FBXO34: variants seen among roughly 807,000 people sequenced by gnomAD.
The protein encoded by FBXO34 is F-box protein 34.
Under a neutral mutation model 24.5 loss-of-function variants are expected in FBXO34, and 12 were observed. The ratio of observed to expected loss-of-function variants is 0.49; its 90% CI spans 0.31 to 0.79. The LOEUF (loss-of-function observed/expected upper bound fraction) is 0.79, where lower values mean the gene tolerates loss of function less well. Among genes scored for constraint, FBXO34 ranks in the 30% least tolerant of loss-of-function variants. The pLI is 0.04. For synonymous variants in FBXO34, 320 were observed against 311.9 expected (o/e 1.03, Z -0.27); for missense variants, 823 against 857.7 (o/e 0.96, Z 0.51).
chr14:55,431,875 C>A, the FBXO34 span, among the ~76,000 whole-genome samples: 1 of 152,206 alleles, frequency 6.6e-6, no homozygotes, highest in Non-Finnish European at 1.5e-5. Flanking sequence ...GTGGCTATAT[C>A]ATTGCATTAA....
At chr14:55,412,329 G>C in the FBXO34 span, among the ~76,000 whole-genome samples, 1 of 152,180 alleles carries the variant, frequency 6.6e-6, no homozygotes, top group African/African-American at 2.4e-5. Context: ...CTGTTCTCTC[G>C]TGTTAAATGG....
At chr14:55,332,476 C>G (rs1282737472) in intron 1 of FBXO34, among the ~76,000 whole-genome samples, 2 of 152,200 alleles carry the variant, frequency 1.3e-5, no homozygotes, top group African/African-American at 4.8e-5. Context: ...AGATTAACTT[C>G]TGTTTTGCAT....
chr14:55,289,631 G>C (rs923259322), intron 1 of FBXO34, among the ~76,000 whole-genome samples: 1 of 152,128 alleles, frequency 6.6e-6, no homozygotes, highest in East Asian at 1.9e-4. Flanking sequence ...AACATCCTGG[G>C]CTCAAGAAAT....
chr14:55,406,964 CTTT>C, the FBXO34 span, among the ~76,000 whole-genome samples: 7 of 141,436 alleles, frequency 4.9e-5, no homozygotes, highest in Admixed American at 7.1e-5. Flanking sequence ...TTGAGATTGT[CTTT>C]TTTTTTTTTT....
the FBXO34 span, among the ~76,000 whole-genome samples, chr14:55,400,263 A>T: frequency 6.6e-6 from 1 of 152,206 alleles, no homozygotes; most frequent in East Asian, 1.9e-4. Context: ...CCAAGAGGTG[A>T]AAAATAGAGT....
chr14:55,420,785 T>C, the FBXO34 span, among the ~76,000 whole-genome samples: 8 of 151,834 alleles, frequency 5.3e-5, no homozygotes, highest in Admixed American at 1.3e-4. Context: ...GGGGGTTGGG[T>C]GCGGTGGCTC....
At chr14:55,436,166 T>C in the FBXO34 span, among the ~76,000 whole-genome samples, 1 of 152,216 alleles carries the variant, frequency 6.6e-6, no homozygotes, top group Non-Finnish European at 1.5e-5. Context: ...AAGTTTTAGA[T>C]CTTTTTTCAA....
chr14:55,295,647 C>T (rs1390725184), intron 1 of FBXO34, among the ~76,000 whole-genome samples: 3 of 152,184 alleles, frequency 2.0e-5, no homozygotes, highest in Non-Finnish European at 2.9e-5. Flanking sequence ...CTGCCTGCCT[C>T]GGCCTCCCAA....
At chr14:55,334,723 G>A (rs544225471) in intron 1 of FBXO34, among the ~76,000 whole-genome samples, 2 of 152,286 alleles carry the variant, frequency 1.3e-5, no homozygotes, top group Admixed American at 6.5e-5. Flanking sequence ...CTCTTCATCA[G>A]GAGCCCTGGA....
chr14:55,386,068 T>G, the FBXO34 span: 1 of 1,610,982 alleles, frequency 6.2e-7, no homozygotes, highest in Non-Finnish European at 8.5e-7. Flanking sequence ...TCTGATTCTT[T>G]TCCTTGGTTT....
At chr14:55,303,512 A>G (rs1008309732) in intron 1 of FBXO34, among the ~76,000 whole-genome samples, 1 of 152,072 alleles carries the variant, frequency 6.6e-6, no homozygotes, top group Non-Finnish European at 1.5e-5. Flanking sequence ...TCATGATATC[A>G]TAATTTACTA....
At chr14:55,393,396 GA>G in the FBXO34 span, among the ~76,000 whole-genome samples, 1 of 146,314 alleles carries the variant, frequency 6.8e-6, no homozygotes, top group Non-Finnish European at 1.5e-5. Flanking sequence ...AAAAAAAGAG[GA>G]AAAAAAAAGA....
chr14:55,393,363 T>C, the FBXO34 span, among the ~76,000 whole-genome samples: 4 of 150,712 alleles, frequency 2.7e-5, no homozygotes, highest in Admixed American at 6.6e-5. Context: ...CCAGCCTGGG[T>C]GACAGAGCGA....
the FBXO34 span, chr14:55,435,804 T>C: frequency 7.6e-7 from 1 of 1,318,066 alleles, no homozygotes; most frequent in East Asian, 2.6e-5. Context: ...AAAGTAAATC[T>C]AAAGAGAAGC....
chr14:55,365,219 T>A (rs1884653485), downstream of FBXO34, among the ~76,000 whole-genome samples: 1 of 129,386 alleles, frequency 7.7e-6, no homozygotes. Flanking sequence ...ATCTCTTCTA[T>A]CATCTCAAAA....
At chr14:55,289,418 T>G (rs1394475306) in intron 1 of FBXO34, among the ~76,000 whole-genome samples, 1 of 152,174 alleles carries the variant, frequency 6.6e-6, no homozygotes, top group Non-Finnish European at 1.5e-5. Context: ...AATGAGAAGT[T>G]TTCTTCCTTC....
chr14:55,358,377 G>A (rs1289577222), downstream of FBXO34, among the ~76,000 whole-genome samples: 2 of 151,828 alleles, frequency 1.3e-5, no homozygotes, highest in African/African-American at 4.8e-5. Flanking sequence ...ATAGGGACAA[G>A]CCCTTCCCAG....
At chr14:55,397,272 G>GT in the FBXO34 span, 4 of 1,026,756 alleles carry the variant, frequency 3.9e-6, no homozygotes, top group Non-Finnish European at 6.0e-6. Context: ...CCTAAATTCA[G>GT]TAAGTTAGCA....
intron 1 of FBXO34, among the ~76,000 whole-genome samples, chr14:55,311,398 A>AT (rs1882735788): frequency 6.6e-6 from 1 of 152,208 alleles, no homozygotes; most frequent in Non-Finnish European, 1.5e-5. Context: ...CAACCATATC[A>AT]TTGTTTTCCT....
Sources: allele counts gnomAD v4.1 joint callset (sites outside exome capture counted in the v4.1 genomes callset), GRCh38; gene constraint gnomAD v4.1.1; transcripts MANE v1.5; gene names NCBI Gene and HGNC (gene_info 2026-07-23, HGNC 2026-07-21).